FGGY: variants seen among roughly 807,000 people sequenced by gnomAD.
FGGY encodes FGGY carbohydrate kinase domain containing, also known as FGGY carbohydrate kinase domain-containing protein.
A neutral mutation model predicts 71.3 loss-of-function variants in FGGY; 72 were observed. The observed-to-expected ratio is 1.01, with a 90% CI of 0.84 to 1.23. The LOEUF (loss-of-function observed/expected upper bound fraction) is 1.23, where lower values mean the gene tolerates loss of function less well. Ranked by LOEUF, FGGY falls within the 50% of genes most tolerant of loss-of-function variation. The pLI is 0.00. For missense variants in FGGY, 668 were observed against 682.3 expected (o/e 0.98, Z 0.23); for synonymous variants, 251 against 250.3 (o/e 1.00, Z -0.02).
intron 1 of FGGY, among the ~76,000 whole-genome samples, chr1:59,317,305 C>A (rs1267718631): frequency 1.3e-5 from 2 of 152,176 alleles, no homozygotes; most frequent in Non-Finnish European, 2.9e-5. Context: ...GGTTCAAATC[C>A]TGATGCCATT....
chr1:59,660,171 G>A, intron 11 of FGGY, 48 bp from the exon 12 acceptor site: 1 of 1,519,548 alleles, frequency 6.6e-7, no homozygotes, highest in Non-Finnish European at 9.1e-7. Context: ...TTTATCCACG[G>A]CAGCTTCTTT....
chr1:59,704,200 A>G (rs925031352), intron 14 of FGGY, among the ~76,000 whole-genome samples: 1 of 152,132 alleles, frequency 6.6e-6, no homozygotes, highest in African/African-American at 2.4e-5. Context: ...CATTCCTATC[A>G]GCAGAAGAGC....
intron 2 of FGGY, among the ~76,000 whole-genome samples, chr1:59,330,072 A>G (rs1417247119): frequency 6.6e-6 from 1 of 152,218 alleles, no homozygotes; most frequent in Admixed American, 6.5e-5. Context: ...CGTCTCTTTC[A>G]TAGAACTCCA....
At chr1:59,762,158 C>T (rs909225137) in intron 15 of FGGY, among the ~76,000 whole-genome samples, 2 of 148,422 alleles carry the variant, frequency 1.3e-5, no homozygotes, top group African/African-American at 4.9e-5. Flanking sequence ...GAACGGGGGA[C>T]GGTTCACTGC....
intron 8 of FGGY, among the ~76,000 whole-genome samples, chr1:59,557,302 C>T (rs985170730): frequency 1.3e-5 from 2 of 152,160 alleles, no homozygotes; most frequent in Admixed American, 6.5e-5. Context: ...CCTCTTTCTT[C>T]CTGTCTGCTT....
chr1:59,434,717 G>A (rs2068056547), intron 5 of FGGY, among the ~76,000 whole-genome samples: 1 of 152,130 alleles, frequency 6.6e-6, no homozygotes, highest in Non-Finnish European at 1.5e-5. Context: ...GACGGGAGGA[G>A]TAAATGAGCT....
intron 9 of FGGY, among the ~76,000 whole-genome samples, chr1:59,620,256 C>T (rs889569597): frequency 6.6e-6 from 1 of 151,756 alleles, no homozygotes; most frequent in Admixed American, 6.6e-5. Flanking sequence ...CTTCCTTTCC[C>T]CTCTCTCCTC....
chr1:59,379,162 A>AACACACACACACACACACACACAC (rs55986439), intron 5 of FGGY, among the ~76,000 whole-genome samples: 1,570 of 142,998 alleles, frequency 0.011, 14 homozygotes, highest in Non-Finnish European at 0.015. Flanking sequence ...GGAAAAAATA[A>AACACACACACACACACACACACAC]ACACACACAC....
intron 1 of FGGY, among the ~76,000 whole-genome samples, chr1:59,320,754 A>G (rs1208193657): frequency 2.6e-5 from 4 of 152,190 alleles, no homozygotes; most frequent in African/African-American, 9.7e-5. Flanking sequence ...CCAAACCTAT[A>G]CAGAAAGCTT....
intron 11 of FGGY, among the ~76,000 whole-genome samples, chr1:59,653,491 A>G (rs899505012): frequency 2.0e-5 from 3 of 152,050 alleles, no homozygotes; most frequent in Non-Finnish European, 4.4e-5. Context: ...AAAGCGCAAT[A>G]TTCGGGTGGG....
At chr1:59,406,145 C>T (rs1301215682) in intron 5 of FGGY, among the ~76,000 whole-genome samples, 1 of 151,640 alleles carries the variant, frequency 6.6e-6, no homozygotes, top group Non-Finnish European at 1.5e-5. Flanking sequence ...TCTTTGTTTG[C>T]AAATTTGCCT....
At chr1:59,542,240 T>C (rs535657195) in intron 7 of FGGY, among the ~76,000 whole-genome samples, 11 of 152,174 alleles carry the variant, frequency 7.2e-5, no homozygotes, top group African/African-American at 2.7e-4. Context: ...CTCAGGAGAT[T>C]ACAAGCTCTC....
In FGGY at chr1:59,479,573, A is replaced by T. The variant is rs186942673; in HGVS notation, c.670+22497A>T. Among the ~76,000 whole-genome samples, 188 of 152,326 alleles carry T rather than the reference A, an allele frequency of 1.2e-3. 1 individual carries two copies. The highest frequency in any genetic ancestry group is 4.3e-3 in the African/African-American group (178 of 41,570). On this transcript the variant is annotated intron_variant, in intron 6 of 15. Coordinates refer to ENST00000303721, the MANE Select transcript of FGGY (RefSeq NM_018291.5). ...CTCATGGGAGCAGCATGTGCTCGGA[A>T]GTGGGAAGTTAAGGGATTTCCCTTC...
intron 1 of FGGY, among the ~76,000 whole-genome samples, chr1:59,302,435 T>C (rs1225214322): frequency 6.6e-6 from 1 of 152,116 alleles, no homozygotes; most frequent in Non-Finnish European, 1.5e-5. Context: ...GTAGATTGGA[T>C]AAAGAAAATG....
chr1:59,632,174 A>G (rs1490474787), intron 10 of FGGY, among the ~76,000 whole-genome samples: 3 of 152,232 alleles, frequency 2.0e-5, no homozygotes, highest in Non-Finnish European at 2.9e-5. Context: ...ACACACATAC[A>G]TATATAAACA....
At chr1:59,434,888 C>A (rs1265652151) in intron 5 of FGGY, among the ~76,000 whole-genome samples, 2 of 152,182 alleles carry the variant, frequency 1.3e-5, no homozygotes, top group Non-Finnish European at 2.9e-5. Context: ...TAAAGACATT[C>A]ACAGTTACAC....
chr1:59,401,099 T>A (rs1307290983), intron 5 of FGGY, among the ~76,000 whole-genome samples: 3 of 152,208 alleles, frequency 2.0e-5, no homozygotes, highest in Admixed American at 2.0e-4. Context: ...ATGTTCTTCG[T>A]CAAGTAGCTA....
At chr1:59,425,883 A>C (rs2066275414) in intron 5 of FGGY, among the ~76,000 whole-genome samples, 1 of 152,168 alleles carries the variant, frequency 6.6e-6, no homozygotes, top group Non-Finnish European at 1.5e-5. Flanking sequence ...CAAATAATGG[A>C]ATTGATTTTT....
At chr1:59,591,447 T>C (rs2096434560) in intron 8 of FGGY, among the ~76,000 whole-genome samples, 1 of 152,062 alleles carries the variant, frequency 6.6e-6, no homozygotes, top group South Asian at 2.1e-4. Flanking sequence ...TACTTTAAAC[T>C]TCATATGGAA....
Sources: gnomAD v4.1 joint callset for allele counts (sites outside exome capture counted in the v4.1 genomes callset) on GRCh38, gnomAD v4.1.1 for gene constraint, MANE v1.5 for transcripts, NCBI Gene and HGNC (gene_info 2026-07-23, HGNC 2026-07-21) for gene names.